Variants in ATP9A observed in about 807,000 individuals in gnomAD.
The protein encoded by ATP9A is probable phospholipid-transporting ATPase IIA.
Under a neutral mutation model 144.1 loss-of-function variants are expected in ATP9A, and 52 were observed. The observed-to-expected ratio is 0.36, with a 90% CI of 0.29 to 0.45. ATP9A has a LOEUF of 0.45. Among genes scored for constraint, ATP9A ranks in the 20% least tolerant of loss-of-function variants. The pLI, the probability that ATP9A is intolerant of heterozygous loss-of-function variation, is 1.00. For synonymous variants in ATP9A, 582 were observed against 557.4 expected, an observed-to-expected ratio of 1.04 and a Z score of -0.62; for missense variants, 947 against 1,392.7, an observed-to-expected ratio of 0.68 and a Z score of 5.09.
chr20:51,729,800 A>G (rs2077732277), intron 2 of ATP9A, 34 bp downstream of exon 2: 1 of 1,520,732 alleles, frequency 6.6e-7, no homozygotes. Flanking sequence ...TGTGATGGAA[A>G]AAAGAAAAGA....
At chr20:51,618,255 T>C (rs1039912684) in intron 21 of ATP9A, among the ~76,000 whole-genome samples, 1 of 150,794 alleles carries the variant, frequency 6.6e-6, no homozygotes, top group Non-Finnish European at 1.5e-5. Context: ...TTAGTCTTCA[T>C]GACACCATTT....
intron 15 of ATP9A, among the ~76,000 whole-genome samples, chr20:51,630,833 C>T (rs1342749498): frequency 6.6e-6 from 1 of 152,174 alleles, no homozygotes; most frequent in East Asian, 1.9e-4. Flanking sequence ...TTGATGTTAT[C>T]GCACAAATTA....
chr20:51,689,689 T>C (rs988500435), intron 8 of ATP9A, among the ~76,000 whole-genome samples: 2 of 151,796 alleles, frequency 1.3e-5, no homozygotes, highest in Admixed American at 6.6e-5. Context: ...CCCAAAATGC[T>C]GGGATTACAG....
chr20:51,597,825 T>C lies in ATP9A; in HGVS notation c.*3386A>G, dbSNP rs2077125570. On this transcript the variant is annotated 3_prime_UTR_variant, in exon 28 of 28. Transcript: ENST00000338821. ...TTAAAAAGTAGCATGGCTTACATTT[T>C]CAGCAGAGAAGAAACTGAGGAAATG... 6.6e-6 allele frequency: 1 copy of C among 151,996 alleles called. No individual in the cohort carries two copies. The highest frequency in any genetic ancestry group is 1.5e-5 in the Non-Finnish European group (1 of 68,006). The allele number at this position is 151,996 out of a possible 1,614,324, so 9.4% of individuals were successfully genotyped here.
chr20:51,605,559 A>G (rs1450673280), intron 26 of ATP9A, among the ~76,000 whole-genome samples: 1 of 152,224 alleles, frequency 6.6e-6, no homozygotes, highest in African/African-American at 2.4e-5. Context: ...TGGAGGTTAC[A>G]GTGAGCTGAG....
At chr20:51,643,255 G>A (rs1294082997) in intron 14 of ATP9A, among the ~76,000 whole-genome samples, 1 of 152,174 alleles carries the variant, frequency 6.6e-6, no homozygotes, top group Non-Finnish European at 1.5e-5. Context: ...TCAAAGAAAG[G>A]ACCAATCAAG....
At chr20:51,762,082 G>A (rs569929649) in intron 1 of ATP9A, among the ~76,000 whole-genome samples, 6 of 152,156 alleles carry the variant, frequency 3.9e-5, no homozygotes, top group South Asian at 2.1e-4. Context: ...ACACTGGGCC[G>A]GGCCAGGGTC....
In ATP9A at chr20:51,712,854, C is replaced by G. The variant is rs547531347; in HGVS notation, c.436+112G>C. 5.5e-5 allele frequency: 51 copies of G among 919,328 alleles called. No homozygotes were observed. In the African/African-American group the frequency reaches 8.2e-4, roughly 15 times the overall value. 56.9% of individuals were successfully genotyped at this position (919,328 alleles called of 1,614,324 possible). A position where few individuals can be genotyped will look rare whatever the true frequency, so the allele number is the denominator to read the frequency against. ...GTGCTGGAGTAACCAAGCGACTGTT[C>G]CGCCACGTGGCATTCCCACACCTGC... On this transcript the variant is annotated intron_variant, in intron 4 of 27. Transcript: ENST00000338821.
At chr20:51,747,407 G>A (rs372555706) in intron 1 of ATP9A, among the ~76,000 whole-genome samples, 126 of 152,146 alleles carry the variant, frequency 8.3e-4, no homozygotes, top group African/African-American at 2.8e-3. Flanking sequence ...GCAACACCCC[G>A]GAAATGACAA....
chr20:51,674,419 C>T, intron 10 of ATP9A, 106 bp from the exon 11 acceptor site: 1 of 1,173,282 alleles, frequency 8.5e-7, no homozygotes, highest in Non-Finnish European at 1.2e-6. Flanking sequence ...ACTGCACTAA[C>T]TCAGCCTGCC....
chr20:51,624,570 C>T (rs1320116371), intron 18 of ATP9A, among the ~76,000 whole-genome samples: 4 of 152,128 alleles, frequency 2.6e-5, no homozygotes, highest in East Asian at 1.9e-4. Context: ...GCAGACAGAC[C>T]GGCGTGCTGA....
chr20:51,708,495 G>A (rs999817826), intron 4 of ATP9A, among the ~76,000 whole-genome samples: 3 of 152,156 alleles, frequency 2.0e-5, no homozygotes, highest in Non-Finnish European at 4.4e-5. Flanking sequence ...AGACCTTTGG[G>A]AGGCCGAGGC....
At chr20:51,688,641 A>T (rs1398584637) in intron 9 of ATP9A, among the ~76,000 whole-genome samples, 2 of 152,106 alleles carry the variant, frequency 1.3e-5, no homozygotes, top group African/African-American at 4.8e-5. Flanking sequence ...AAAGGCACCA[A>T]TATCCACTTC....
chr20:51,748,440 A>C (rs1346927307), intron 1 of ATP9A, among the ~76,000 whole-genome samples: 1 of 152,212 alleles, frequency 6.6e-6, no homozygotes, highest in African/African-American at 2.4e-5. Flanking sequence ...ACACAAGCCT[A>C]GACCATCTGA....
At chr20:51,642,771 G>A (rs1045281688) in intron 14 of ATP9A, among the ~76,000 whole-genome samples, 7 of 119,992 alleles carry the variant, frequency 5.8e-5, no homozygotes, top group Admixed American at 4.5e-4. Context: ...AAAACCTGGC[G>A]TTCCTCTTGA....
chr20:51,627,769 C>T, intron 16 of ATP9A, 86 bp from the exon 17 acceptor site: 1 of 1,097,754 alleles, frequency 9.1e-7, no homozygotes, highest in Non-Finnish European at 1.4e-6. Context: ...GTGGATGTGC[C>T]CCTCCCACAG....
intron 1 of ATP9A, among the ~76,000 whole-genome samples, chr20:51,763,424 T>C (rs371173708): frequency 8.4e-4 from 127 of 151,902 alleles, no homozygotes; most frequent in African/African-American, 2.9e-3. Flanking sequence ...GCCATTCTCC[T>C]GCCTCAGCCT....
At chr20:51,749,198 GTAAA>G (rs147799681) in intron 1 of ATP9A, among the ~76,000 whole-genome samples, 1,797 of 152,064 alleles carry the variant, frequency 0.012, 36 homozygotes, top group African/African-American at 0.041. Context: ...TCTCAAATAA[GTAAA>G]TAAATAAATA....
chr20:51,746,883 G>A lies in ATP9A; in HGVS notation c.69-16905C>T, dbSNP rs180847394. The stretch of plus-strand genomic sequence containing the variant: ...CAATCAGGTGTGGTGGCGCACGCCC[G>A]TAATCCCAGCTACTCCAGAGGCTGA... On this transcript the variant is annotated intron_variant, in intron 1 of 27. Coordinates refer to ENST00000338821, the MANE Select transcript of ATP9A (RefSeq NM_006045.3). Among the ~76,000 whole-genome samples, 152 of 152,206 alleles carry A rather than the reference G, an allele frequency of 1.0e-3. No homozygotes were observed. In the South Asian group the frequency reaches 0.015, roughly 15 times the overall value.
Sources: allele counts gnomAD v4.1 joint callset (sites outside exome capture counted in the v4.1 genomes callset), GRCh38; gene constraint gnomAD v4.1.1; transcripts MANE v1.5; gene names NCBI Gene and HGNC (gene_info 2026-07-23, HGNC 2026-07-21).